Variants in MIDEAS observed in about 807,000 individuals in gnomAD.
MIDEAS encodes the protein mitotic deacetylase associated SANT domain protein, also known as mitotic deacetylase-associated SANT domain protein.
Under a neutral mutation model 102.7 loss-of-function variants are expected in MIDEAS, and 26 were observed. That is an observed-to-expected ratio of 0.25 (90% CI 0.19 to 0.35). The LOEUF (loss-of-function observed/expected upper bound fraction) is 0.35, where lower values mean the gene tolerates loss of function less well. MIDEAS is among the 10% of genes least tolerant of loss of function. The pLI is 1.00. For missense variants in MIDEAS, 1,231 were observed against 1,435.6 expected, an observed-to-expected ratio of 0.86 and a Z score of 2.30; for synonymous variants, 585 against 591.0, an observed-to-expected ratio of 0.99 and a Z score of 0.15.
At chr14:73,737,394 T>G in intron 2 of MIDEAS, 97 bp from the exon 3 acceptor site, 1 of 1,341,282 alleles carries the variant, frequency 7.5e-7, no homozygotes. Context: ...GAGGACAAGA[T>G]TAAAGGATCA....
chr14:73,724,473 T>C (rs2053035113), intron 9 of MIDEAS: 2 of 152,192 alleles, frequency 1.3e-5, no homozygotes, highest in Non-Finnish European at 2.9e-5. Flanking sequence ...CCTCCGTGAA[T>C]TTCACGGGCG....
rs2052918183 is a variant in MIDEAS at position 73,717,971 on chromosome 14, C to T, written c.*872G>A. ...GCAGGCTGAGCCTCTCCGGGACCTG[C>T]TCAAGGCGAAGCGCCCTTGGCAGCC... On this transcript the variant is annotated 3_prime_UTR_variant, in exon 13 of 13. Transcript: ENST00000423556. The T allele has an allele frequency of 6.6e-6, 1 of 152,244 alleles. No individual in the cohort carries two copies. Among genetic ancestry groups the T allele is most frequent in the Non-Finnish European group, 1.5e-5 (1 of 68,092 alleles). The allele number at this position is 152,244 out of a possible 1,614,324, so 9.4% of individuals were successfully genotyped here.
intron 3 of MIDEAS, among the ~76,000 whole-genome samples, chr14:73,732,191 A>G (rs1004822172): frequency 6.7e-6 from 1 of 148,404 alleles, no homozygotes; most frequent in Non-Finnish European, 1.5e-5. Context: ...AAGAACCCAG[A>G]GAGCAGAGAC....
chr14:73,737,308 TG>T lies in MIDEAS; in HGVS notation c.1450-12del. Reference sequence around the variant, plus strand: ...AGAACCACTGCCATCCTGGACAAGATGGGAACAGAAGTGCAATTTAAAAGGT... The same window carrying T: ...AGAACCACTGCCATCCTGGACAAGATGGAACAGAAGTGCAATTTAAAAGGT... On this transcript the variant is annotated splice_polypyrimidine_tract_variant and intron_variant, in intron 2 of 12. Coordinates refer to ENST00000423556, the MANE Select transcript of MIDEAS (RefSeq NM_001367710.1). 1 of 1,604,746 alleles carries T rather than the reference TG, an allele frequency of 6.2e-7. No homozygotes were observed.
At position 73,725,451 on chromosome 14, in the gene MIDEAS, C is replaced by T. The variant is rs2053048061; in HGVS notation, c.2486-91G>A. 11 of 1,037,276 alleles carry T rather than the reference C, an allele frequency of 1.1e-5. No individual in the cohort carries two copies. The highest frequency in any genetic ancestry group is 1.5e-5 in the Non-Finnish European group (10 of 662,204). 64.3% of individuals were successfully genotyped at this position (1,037,276 alleles called of 1,614,324 possible). On this transcript the variant is annotated intron_variant, in intron 8 of 12. Coordinates refer to ENST00000423556, the MANE Select transcript of MIDEAS (RefSeq NM_001367710.1). This position sits in a 1 kb window ranked among gnomAD's most constrained non-coding sequence, Gnocchi z 4.1. ...GACAAGCAAAAAAGTGTGAGGCCAT[C>T]CGCCCATGGTTTCTGCAGGCATCAG... is the stretch of plus-strand genomic sequence containing the variant.
chr14:73,744,167 G>A (rs930518414), intron 1 of MIDEAS, among the ~76,000 whole-genome samples: 1 of 152,166 alleles, frequency 6.6e-6, no homozygotes, highest in Admixed American at 6.5e-5. Flanking sequence ...CAGCTCTCCT[G>A]GGATGTCAGC....
intron 2 of MIDEAS, 101 bp from the exon 3 acceptor site, chr14:73,737,398 AG>A: frequency 7.6e-7 from 1 of 1,324,312 alleles, no homozygotes; most frequent in Non-Finnish European, 1.0e-6. Context: ...ACAAGATTAA[AG>A]GATCACTTGA....
At chr14:73,733,480 T>C (rs929695035) in intron 3 of MIDEAS, among the ~76,000 whole-genome samples, 4 of 151,724 alleles carry the variant, frequency 2.6e-5, no homozygotes, top group African/African-American at 9.7e-5. Flanking sequence ...TCCCAGCTAC[T>C]CAGGAGGCTG....
Position 73,722,813 on chromosome 14 carries a change from A to G in MIDEAS, c.2609T>C (p.Phe870Ser). 6.2e-7 allele frequency: 1 copy of G among 1,614,178 alleles called. No individual in the cohort carries two copies. Among genetic ancestry groups the G allele is most frequent in the Non-Finnish European group, 8.5e-7 (1 of 1,180,020 alleles). The change falls in exon 10 of 13, where the codon TTC becomes TCC. Residue 870 changes from phenylalanine to serine, a missense_variant. This residue lies in a region of MIDEAS where 391 missense variants were observed against 483.0 expected (regional missense o/e 0.81). Coordinates refer to ENST00000423556, the MANE Select transcript of MIDEAS (RefSeq NM_001367710.1). ...QTKTVAQCVEFYYTYKKQVKI... is the reference protein window; with the variant it reads ...QTKTVAQCVESYYTYKKQVKI... ...CACCTGCTTCTTGTAGGTGTAGTAG[A>G]ACTCCACGCACTGGGCCACGGTCTT...
chr14:73,788,802 C>T (rs750295481), upstream of MIDEAS, among the ~76,000 whole-genome samples: 1 of 152,180 alleles, frequency 6.6e-6, no homozygotes, highest in East Asian at 1.9e-4. Flanking sequence ...CTTAAGGCAA[C>T]CAATGAGAGA....
intron 1 of MIDEAS, among the ~76,000 whole-genome samples, chr14:73,781,927 G>A (rs1156482554): frequency 1.3e-5 from 2 of 151,808 alleles, no homozygotes; most frequent in Non-Finnish European, 2.9e-5. Flanking sequence ...CGTGGTGGCA[G>A]ACATCCATAA....
chr14:73,768,587 C>T (rs995908968), intron 1 of MIDEAS, among the ~76,000 whole-genome samples: 1 of 150,118 alleles, frequency 6.7e-6, no homozygotes, highest in Non-Finnish European at 1.5e-5. Flanking sequence ...CAGGTTCAAG[C>T]GATTCTCCCA....
intron 1 of MIDEAS, among the ~76,000 whole-genome samples, chr14:73,777,406 G>C (rs2053701426): frequency 6.6e-6 from 1 of 151,986 alleles, no homozygotes. Flanking sequence ...CCTCAATTTA[G>C]CTACAGTTAG....
At position 73,725,411 on chromosome 14, in the gene MIDEAS, C is replaced by T. The variant is rs372949946; in HGVS notation, c.2486-51G>A. ...AGTGAGGTGGGCAGGGCCCTGGCCA[C>T]TGCAGGGCAATTTTGACAAGCAAAA... is the stretch of plus-strand genomic sequence containing the variant. On this transcript the variant is annotated intron_variant, in intron 8 of 12. Coordinates refer to ENST00000423556, the MANE Select transcript of MIDEAS (RefSeq NM_001367710.1). The surrounding 1 kb of genome is among the most constrained non-coding windows in gnomAD (Gnocchi z 4.1). 1.4e-4 allele frequency: 201 copies of T among 1,488,806 alleles called. 2 individuals are homozygous for T. The African/African-American group carries it at 2.3e-3, about 17-fold the overall frequency. 92.2% of individuals were successfully genotyped at this position (1,488,806 alleles called of 1,614,324 possible). A position where few individuals can be genotyped will look rare whatever the true frequency, so the allele number is the denominator to read the frequency against.
chr14:73,720,412 T>TA (rs1418810666), intron 11 of MIDEAS, among the ~76,000 whole-genome samples: 1 of 152,012 alleles, frequency 6.6e-6, no homozygotes, highest in East Asian at 1.9e-4. Flanking sequence ...CATGCCCAGC[T>TA]AGTTTTTGTA....
rs374258786 is a variant in MIDEAS, at chr14:73,729,676, T to C, written c.2059A>G (p.Thr687Ala). ...TSTIPAPPPI[T>A]PKSAHRTLLR... ...AGCGTGCGATGGGCACTCTTAGGCGTGATGGGAGGAGGGGCAGGGATGGTG... is the reference window on the plus strand; with the variant it reads ...AGCGTGCGATGGGCACTCTTAGGCGCGATGGGAGGAGGGGCAGGGATGGTG... The change falls in exon 4 of 13, where the codon ACG (threonine) becomes GCG (alanine). Residue 687 changes from threonine (T) to alanine (A), a missense_variant. Around this residue, in one of 5 missense-constraint regions of MIDEAS, gnomAD observed 391 missense variants for 483.0 expected, o/e 0.81. Coordinates refer to ENST00000423556, the MANE Select transcript of MIDEAS (RefSeq NM_001367710.1). 9.9e-6 allele frequency: 16 copies of C among 1,613,186 alleles called. No homozygotes were observed. Among genetic ancestry groups the C allele is most frequent in the Non-Finnish European group, 1.4e-5 (16 of 1,179,762 alleles).
rs2052916650 is a variant in MIDEAS, at chr14:73,717,896, G to C, written c.*947C>G. On this transcript the variant is annotated 3_prime_UTR_variant, in exon 13 of 13. Transcript: ENST00000423556. ...ACTGGGTAGGGTGCGGTGGGGTTAG[G>C]TGTAGCTGCTGAGGTCAGAGCAGAG... The C allele has an allele frequency of 6.7e-6, 1 of 150,120 alleles. No homozygotes were observed. The highest frequency in any genetic ancestry group is 6.7e-5 in the Admixed American group (1 of 14,918). The allele number at this position is 150,120 out of a possible 1,614,324, so 9.3% of individuals were successfully genotyped here. A position where few individuals can be genotyped will look rare whatever the true frequency, so the allele number is the denominator to read the frequency against.
rs142401555 is a variant in MIDEAS, at chr14:73,726,040, G to A, written c.2478C>T (p.His826=). 5.8e-5 allele frequency: 92 copies of A among 1,595,502 alleles called. No homozygotes were observed. The highest frequency in any genetic ancestry group is 6.7e-5 in the Non-Finnish European group (79 of 1,171,966). ...RPHNHPLATY[H]YTGSDQWKMA... is the part of the protein sequence containing the mutation. Reference sequence around the variant, plus strand: ...CACCGCAGCCAGGCCCACCTGTGTAGTGATAAGTTGCCAGCGGATGGTTGT... The same window carrying A: ...CACCGCAGCCAGGCCCACCTGTGTAATGATAAGTTGCCAGCGGATGGTTGT... The change falls in exon 8 of 13, where the codon CAC becomes CAT. Residue 826 remains histidine, a synonymous_variant. Transcript: ENST00000423556.
intron 1 of MIDEAS, among the ~76,000 whole-genome samples, chr14:73,785,036 T>G (rs2053793402): frequency 6.6e-6 from 1 of 152,136 alleles, no homozygotes; most frequent in Non-Finnish European, 1.5e-5. Context: ...TCCAGTGCAC[T>G]GGAATCATCA....
Sources: allele counts gnomAD v4.1 joint callset (sites outside exome capture counted in the v4.1 genomes callset), GRCh38; gene constraint gnomAD v4.1.1; regional missense constraint gnomAD v4.1.1; non-coding constraint Gnocchi (gnomAD v3.1); transcripts MANE v1.5; gene names NCBI Gene and HGNC (gene_info 2026-07-23, HGNC 2026-07-21).